Variants in EPB41L1 observed in about 807,000 individuals in gnomAD.
The protein encoded by EPB41L1 is erythrocyte membrane protein band 4.1 like 1, also known as band 4.1-like protein 1.
EPB41L1 carries 29 observed loss-of-function variants against 97.8 expected under a neutral mutation model. The ratio of observed to expected loss-of-function variants is 0.30; its 90% CI spans 0.22 to 0.40. The LOEUF (loss-of-function observed/expected upper bound fraction) is 0.40, where lower values mean the gene tolerates loss of function less well. EPB41L1 is among the 10% of genes least tolerant of loss of function. The pLI, the probability that EPB41L1 is intolerant of heterozygous loss-of-function variation, is 1.00. For synonymous variants in EPB41L1, 383 were observed against 459.2 expected, an observed-to-expected ratio of 0.83 and a Z score of 2.12; for missense variants, 812 against 1,162.3, an observed-to-expected ratio of 0.70 and a Z score of 4.38.
chr20:36,195,194 C>A lies in EPB41L1; in HGVS notation c.1450-135C>A. On this transcript the variant is annotated intron_variant, in intron 12 of 21. Coordinates refer to ENST00000338074, the MANE Select transcript of EPB41L1 (RefSeq NM_012156.2). The surrounding 1 kb of genome is among the most constrained non-coding windows in gnomAD (Gnocchi z 4.6). The stretch of plus-strand genomic sequence containing the variant: ...CCTCACTGCCCTGCTGGTGGCCCAC[C>A]CAGCTGCCCTGGCCTCCACTTGGTC... 1 of 1,025,762 alleles carries A rather than the reference C, an allele frequency of 9.7e-7. No homozygotes were observed. The highest frequency in any genetic ancestry group is 1.5e-6 in the Non-Finnish European group (1 of 666,746). 63.5% of individuals were successfully genotyped at this position (1,025,762 alleles called of 1,614,324 possible).
chr20:36,212,042 G>A lies in EPB41L1; in HGVS notation c.2080-230G>A, dbSNP rs187858235. Among the ~76,000 whole-genome samples, 111 of 152,334 alleles carry A rather than the reference G, an allele frequency of 7.3e-4. 1 individual carries two copies. The highest frequency in any genetic ancestry group is 2.6e-3 in the African/African-American group (109 of 41,582). On this transcript the variant is annotated intron_variant, in intron 15 of 21. Transcript: ENST00000338074. This position sits in a 1 kb window ranked among gnomAD's most constrained non-coding sequence, Gnocchi z 4.8. The stretch of plus-strand genomic sequence containing the variant: ...AGCCACCATGAGGGTGTGTGGCACA[G>A]GGGCGCAGGGCAGGCCTGCCTGGTC...
Position 36,154,796 on chromosome 20 carries a change from G to A in EPB41L1, c.-115G>A. On this transcript the variant is annotated 5_prime_UTR_variant, in exon 1 of 22. Coordinates refer to ENST00000338074, the MANE Select transcript of EPB41L1 (RefSeq NM_012156.2). This position sits in a 1 kb window ranked among gnomAD's most constrained non-coding sequence, Gnocchi z 5.5. ...CCGAACAGGCTGCTCCGCAGAGCCC[G>A]CCGCGACCCCGCGCCGCCCCGCCCC... The A allele has an allele frequency of 1.0e-6, 1 of 989,088 alleles. No homozygotes were observed. The highest frequency in any genetic ancestry group is 4.4e-5 in the South Asian group (1 of 22,488). 61.3% of individuals were successfully genotyped at this position (989,088 alleles called of 1,614,324 possible).
chr20:36,222,512 C>G lies in EPB41L1; in HGVS notation c.2637+118C>G, dbSNP rs1228007566. On this transcript the variant is annotated intron_variant, in intron 21 of 21. Transcript: ENST00000338074. ...TGACCCCTAGTGCAGCTTTGACCCT[C>G]CCCCCATCAGCCTTCCTGATTTGCT... The G allele has an allele frequency of 3.9e-6, 3 of 776,368 alleles. No homozygotes were observed. In the Admixed American group the frequency reaches 6.2e-5, roughly 16 times the overall value. The allele number at this position is 776,368 out of a possible 1,614,324, so 48.1% of individuals were successfully genotyped here. A position where few individuals can be genotyped will look rare whatever the true frequency, so the allele number is the denominator to read the frequency against.
chr20:36,155,199 C>T (rs2060241520), intron 1 of EPB41L1: 1 of 456,256 alleles, frequency 2.2e-6, no homozygotes, highest in Admixed American at 2.4e-5. Flanking sequence ...TCGGAGAGCA[C>T]TCCTGCTGCC....
chr20:36,134,678 T>C (rs921431724), intron 2 of EPB41L1, among the ~76,000 whole-genome samples: 1 of 152,056 alleles, frequency 6.6e-6, no homozygotes, highest in Non-Finnish European at 1.5e-5. Flanking sequence ...TCCTGCAAGG[T>C]TACTGCCCAG....
At chr20:36,125,992 A>G (rs1009147861) in intron 2 of EPB41L1, among the ~76,000 whole-genome samples, 2 of 152,022 alleles carry the variant, frequency 1.3e-5, no homozygotes, top group Non-Finnish European at 2.9e-5. Context: ...AACTTGTCCT[A>G]GATGGCTGCA....
rs773991484 is a variant in EPB41L1, at chr20:36,188,426, G to T, written c.953G>T (p.Arg318Leu). 1 of 1,613,940 alleles carries T rather than the reference G, an allele frequency of 6.2e-7. No homozygotes were observed. The highest frequency in any genetic ancestry group is 1.1e-5 in the South Asian group (1 of 91,044). The change falls in exon 9 of 22, where the codon CGC (arginine) becomes CTC (leucine). Residue 318 changes from arginine to leucine, a missense_variant. This residue lies in a region of EPB41L1 where 230 missense variants were observed against 445.2 expected (regional missense o/e 0.52). Coordinates refer to ENST00000338074, the MANE Select transcript of EPB41L1 (RefSeq NM_012156.2). ...LIYRDRLRIN[R>L]FAWPKILKIS... ...TACCGGGACCGGCTGAGAATCAACC[G>T]CTTTGCCTGGCCCAAGATCCTCAAG...
rs147818728 is a variant in EPB41L1, at chr20:36,232,616, AT to A, written c.*3286del. 5.1e-5 allele frequency: 20 copies of A among 389,522 alleles called. No homozygotes were observed. The highest frequency in any genetic ancestry group is 1.3e-4 in the South Asian group (1 of 7,658). The allele number at this position is 389,522 out of a possible 1,614,324, so 24.1% of individuals were successfully genotyped here. Reference sequence around the variant, plus strand: ...TGCATGAGCAACATCACTCGAAATAATTTTTTTTTTCAAAAGCACCTTAACA... The same window carrying A: ...TGCATGAGCAACATCACTCGAAATAATTTTTTTTTCAAAAGCACCTTAACA... On this transcript the variant is annotated 3_prime_UTR_variant, in exon 22 of 22. Coordinates refer to ENST00000338074, the MANE Select transcript of EPB41L1 (RefSeq NM_012156.2).
intron 2 of EPB41L1, among the ~76,000 whole-genome samples, chr20:36,115,323 G>A (rs2058550481): frequency 6.6e-6 from 1 of 152,168 alleles, no homozygotes; most frequent in South Asian, 2.1e-4. Flanking sequence ...TGGCCATCTT[G>A]CCTTTGCTTG....
intron 19 of EPB41L1, 23 bp downstream of exon 19, chr20:36,219,867 A>C: frequency 1.9e-6 from 3 of 1,606,280 alleles, no homozygotes; most frequent in Non-Finnish European, 2.6e-6. Context: ...AGGGCGCCCC[A>C]TGCCCCCAGC....
rs1268029242 is a variant in EPB41L1, at chr20:36,232,653, A to T, written c.*3313A>T. On this transcript the variant is annotated 3_prime_UTR_variant, in exon 22 of 22. Coordinates refer to ENST00000338074, the MANE Select transcript of EPB41L1 (RefSeq NM_012156.2). Reference sequence around the variant, plus strand: ...AAAAGCACCTTAACAACCAATTGCGATGCTGTCCTGTTCCTTTTTACTCAC... The same window carrying T: ...AAAAGCACCTTAACAACCAATTGCGTTGCTGTCCTGTTCCTTTTTACTCAC... 1.3e-5 allele frequency: 5 copies of T among 398,860 alleles called. No homozygotes were observed. Among genetic ancestry groups the T allele is most frequent in the Non-Finnish European group, 2.2e-5 (5 of 226,100 alleles). 24.7% of individuals were successfully genotyped at this position (398,860 alleles called of 1,614,324 possible). A position where few individuals can be genotyped will look rare whatever the true frequency, so the allele number is the denominator to read the frequency against.
At chr20:36,192,347 A>G (rs980899316) in intron 11 of EPB41L1, among the ~76,000 whole-genome samples, 1 of 152,050 alleles carries the variant, frequency 6.6e-6, no homozygotes, top group South Asian at 2.1e-4. Context: ...CCTGGCCAAC[A>G]TGGTGAAACC....
rs1381665962 is a variant in EPB41L1 at position 36,232,464 on chromosome 20, A to C, written c.*3124A>C. ...CTCCAGGGTCTTTTTCTACTTTGCTATCTCATGGGTCTTCATTTTCTCTTA... is the reference window on the plus strand; with the variant it reads ...CTCCAGGGTCTTTTTCTACTTTGCTCTCTCATGGGTCTTCATTTTCTCTTA... On this transcript the variant is annotated 3_prime_UTR_variant, in exon 22 of 22. Coordinates refer to ENST00000338074, the MANE Select transcript of EPB41L1 (RefSeq NM_012156.2). The C allele has an allele frequency of 1.8e-5, 7 of 396,818 alleles. No homozygotes were observed. Among genetic ancestry groups the C allele is most frequent in the Admixed American group, 8.8e-5 (2 of 22,662 alleles). 24.6% of individuals were successfully genotyped at this position (396,818 alleles called of 1,614,324 possible). A position where few individuals can be genotyped will look rare whatever the true frequency, so the allele number is the denominator to read the frequency against.
At chr20:36,164,383 C>G (rs1326291423) in intron 1 of EPB41L1, among the ~76,000 whole-genome samples, 2 of 152,198 alleles carry the variant, frequency 1.3e-5, no homozygotes, top group Non-Finnish European at 2.9e-5. Flanking sequence ...AAACAAGAGA[C>G]TTTTTTTCTG....
chr20:36,160,409 C>A (rs139771369), intron 1 of EPB41L1, among the ~76,000 whole-genome samples: 1,847 of 152,086 alleles, frequency 0.012, 33 homozygotes, highest in African/African-American at 0.043. Context: ...CATGGTGAAA[C>A]CCCATTTCTA....
chr20:36,204,933 G>A (rs184064434), intron 14 of EPB41L1, among the ~76,000 whole-genome samples: 14 of 152,316 alleles, frequency 9.2e-5, no homozygotes, highest in Non-Finnish European at 1.0e-4. Flanking sequence ...GAGCCACCGC[G>A]CTTGGCCTCT....
chr20:36,188,526 C>A (rs1199136031), intron 9 of EPB41L1, 27 bp downstream of exon 9: 3 of 1,547,548 alleles, frequency 1.9e-6, no homozygotes, highest in East Asian at 5.0e-5. Flanking sequence ...AAACACTCCT[C>A]CTCACCGGAA....
At chr20:36,197,371 C>T (rs2062256628) in intron 13 of EPB41L1, among the ~76,000 whole-genome samples, 1 of 152,220 alleles carries the variant, frequency 6.6e-6, no homozygotes, top group Non-Finnish European at 1.5e-5. Flanking sequence ...AAAGTGGACA[C>T]TGGGATCCAG....
intron 1 of EPB41L1, among the ~76,000 whole-genome samples, chr20:36,161,571 G>A (rs576952623): frequency 4.6e-5 from 7 of 151,970 alleles, no homozygotes; most frequent in Non-Finnish European, 1.0e-4. Flanking sequence ...CGCCTCCCCG[G>A]TTCAAGCAAT....
Sources: allele counts gnomAD v4.1 joint callset (sites outside exome capture counted in the v4.1 genomes callset), GRCh38; gene constraint gnomAD v4.1.1; regional missense constraint gnomAD v4.1.1; non-coding constraint Gnocchi (gnomAD v3.1); transcripts MANE v1.5; gene names NCBI Gene and HGNC (gene_info 2026-07-23, HGNC 2026-07-21).